The following HSF5 variants were observed in gnomAD, a reference collection of about 807,000 sequenced individuals.
HSF5 encodes heat shock transcription factor 5, also known as heat shock factor protein 5.
HSF5 carries 5 observed loss-of-function variants against 50.8 expected under a neutral mutation model. That is an observed-to-expected ratio of 0.10 (90% CI 0.05 to 0.21). The LOEUF is 0.21. Ranked by LOEUF, HSF5 falls within the 10% of genes least tolerant of loss-of-function variation. The pLI is 1.00. For synonymous variants in HSF5, 307 were observed against 307.4 expected, an observed-to-expected ratio of 1.00 and a Z score of 0.02; for missense variants, 564 against 762.6, an observed-to-expected ratio of 0.74 and a Z score of 3.07.
chr17:58,421,518 T>C lies in HSF5; in HGVS notation c.*842A>G, dbSNP rs1974229351. 1 of 152,244 alleles carries C rather than the reference T, an allele frequency of 6.6e-6. No homozygotes were observed. The highest frequency in any genetic ancestry group is 2.1e-4 in the South Asian group (1 of 4,830). 9.4% of individuals were successfully genotyped at this position (152,244 alleles called of 1,614,324 possible). A position where few individuals can be genotyped will look rare whatever the true frequency, so the allele number is the denominator to read the frequency against. ...TACACATGCATCCTTTATCCTTCTA[T>C]CCTGCAATAATAAAAATATAAAACT... On this transcript the variant is annotated 3_prime_UTR_variant, in exon 6 of 6. Transcript: ENST00000323777.
chr17:58,434,071 G>A (rs892820250), intron 5 of HSF5, among the ~76,000 whole-genome samples: 4 of 151,744 alleles, frequency 2.6e-5, no homozygotes, highest in Admixed American at 1.3e-4. Context: ...ATGCCACCCC[G>A]CCTGGTTAAT....
chr17:58,460,939 C>A (rs1268490182), intron 4 of HSF5, among the ~76,000 whole-genome samples: 2 of 151,532 alleles, frequency 1.3e-5, no homozygotes, highest in African/African-American at 4.9e-5. Context: ...CATAATGGGG[C>A]CAGGTGCAGT....
At chr17:58,453,576 CAG>C (rs1288238043) in intron 5 of HSF5, among the ~76,000 whole-genome samples, 1 of 151,486 alleles carries the variant, frequency 6.6e-6, no homozygotes, top group Non-Finnish European at 1.5e-5. Context: ...GCCTGGGCGA[CAG>C]AGTGAGCAAA....
At chr17:58,444,643 G>C (rs532520561) in intron 5 of HSF5, among the ~76,000 whole-genome samples, 203 of 152,260 alleles carry the variant, frequency 1.3e-3, no homozygotes, top group Non-Finnish European at 2.6e-3. Context: ...AGAAAACAGA[G>C]AGAGATAACT....
intron 2 of HSF5, among the ~76,000 whole-genome samples, chr17:58,479,005 C>T (rs1158920201): frequency 6.6e-6 from 1 of 151,810 alleles, no homozygotes; most frequent in Non-Finnish European, 1.5e-5. Context: ...TCTCAATGCC[C>T]TTGCTTGAGT....
intron 2 of HSF5, among the ~76,000 whole-genome samples, chr17:58,475,381 A>G (rs550316778): frequency 4.3e-4 from 66 of 152,228 alleles, no homozygotes; most frequent in Non-Finnish European, 8.2e-4. Context: ...TTCCAGTGAA[A>G]CAAAAAGAAA....
intron 5 of HSF5, among the ~76,000 whole-genome samples, chr17:58,440,184 G>C (rs1974481334): frequency 6.6e-6 from 1 of 152,192 alleles, no homozygotes; most frequent in African/African-American, 2.4e-5. Flanking sequence ...CCTTGTATTT[G>C]AGGCTACTTT....
intron 4 of HSF5, among the ~76,000 whole-genome samples, chr17:58,462,158 C>T (rs546126973): frequency 6.6e-6 from 1 of 152,222 alleles, no homozygotes; most frequent in East Asian, 1.9e-4. Flanking sequence ...TGTGGATGTA[C>T]TTTTGATGAA....
At chr17:58,425,575 C>CAAAAAAAAAAAAA (rs66502039) in intron 5 of HSF5, among the ~76,000 whole-genome samples, 6 of 32,986 alleles carry the variant, frequency 1.8e-4, no homozygotes, top group African/African-American at 5.9e-4. Flanking sequence ...ACCTCTATCT[C>CAAAAAAAAAAAAA]AAAAAAAAAA....
chr17:58,445,616 T>C (rs1451969049), intron 5 of HSF5, among the ~76,000 whole-genome samples: 2 of 152,174 alleles, frequency 1.3e-5, no homozygotes, highest in Non-Finnish European at 2.9e-5. Flanking sequence ...GAGAACATAA[T>C]ATAGTCACAA....
intron 1 of HSF5, among the ~76,000 whole-genome samples, chr17:58,487,262 G>C (rs1975197975): frequency 6.6e-6 from 1 of 152,120 alleles, no homozygotes; most frequent in Admixed American, 6.5e-5. Context: ...TAACCCGTAG[G>C]GTGACTCCAC....
Position 58,471,448 on chromosome 17 carries a change from G to A in HSF5, c.926-4469C>T, listed in dbSNP as rs141233111. ...TATGTACATTGATGTAGGATTAGAA[G>A]CATAAAGATCACACCTATAGAATTT... On this transcript the variant is annotated intron_variant, in intron 2 of 5. Transcript: ENST00000323777. Among the ~76,000 whole-genome samples, 3 of 152,176 alleles carry A rather than the reference G, an allele frequency of 2.0e-5. No homozygotes were observed. In the East Asian group the frequency reaches 5.8e-4, roughly 29 times the overall value.
At position 58,422,377 on chromosome 17, in the gene HSF5, C is replaced by T. The variant is rs1567903436; in HGVS notation, c.1774G>A (p.Glu592Lys). 8.1e-6 allele frequency: 13 copies of T among 1,613,812 alleles called. No homozygotes were observed. Among genetic ancestry groups the T allele is most frequent in the Non-Finnish European group, 1.0e-5 (12 of 1,179,724 alleles). Residue 592 changes from glutamate (E) to lysine (K), a missense_variant, in exon 6 of 6, where the codon GAA (glutamate) becomes AAA (lysine). By Grantham distance (56) the Glu-to-Lys change is moderately conservative. Coordinates refer to ENST00000323777, the MANE Select transcript of HSF5 (RefSeq NM_001080439.3). ...ACKQERFPKE[E>K]ELKE ...TCCATTCCTCACTCTTTTAATTCTTCCTCCTTTGGAAAGCGCTCCTGCTTG... is the reference window on the plus strand; with the variant it reads ...TCCATTCCTCACTCTTTTAATTCTTTCTCCTTTGGAAAGCGCTCCTGCTTG...
chr17:58,473,932 A>C (rs140222812), intron 2 of HSF5, among the ~76,000 whole-genome samples: 1 of 151,974 alleles, frequency 6.6e-6, no homozygotes, highest in Non-Finnish European at 1.5e-5. Context: ...TGCAGCCTCA[A>C]CCTCCTGAGC....
intron 5 of HSF5, among the ~76,000 whole-genome samples, chr17:58,445,022 A>G (rs555734479): frequency 6.6e-6 from 1 of 152,330 alleles, no homozygotes; most frequent in East Asian, 1.9e-4. Flanking sequence ...GTAAAAAAAA[A>G]TCAAACCTAT....
At chr17:58,434,790 T>G (rs572224468) in intron 5 of HSF5, among the ~76,000 whole-genome samples, 1 of 152,210 alleles carries the variant, frequency 6.6e-6, no homozygotes, top group South Asian at 2.1e-4. Flanking sequence ...GAAGTCGAGG[T>G]TGCAGTGAGC....
intron 5 of HSF5, among the ~76,000 whole-genome samples, chr17:58,441,093 A>G (rs1223906383): frequency 6.6e-6 from 1 of 152,244 alleles, no homozygotes; most frequent in African/African-American, 2.4e-5. Flanking sequence ...AAGATAGACC[A>G]TACACTGGGC....
intron 2 of HSF5, among the ~76,000 whole-genome samples, chr17:58,468,966 A>G (rs1245836667): frequency 1.3e-5 from 2 of 152,188 alleles, no homozygotes; most frequent in Non-Finnish European, 2.9e-5. Context: ...ATTCAAATAT[A>G]TATTTTAAAT....
intron 4 of HSF5, among the ~76,000 whole-genome samples, chr17:58,462,152 G>C (rs933240851): frequency 1.3e-5 from 2 of 152,096 alleles, no homozygotes; most frequent in African/African-American, 4.8e-5. Flanking sequence ...TGTTTCTGTG[G>C]ATGTACTTTT....
Sources: allele counts gnomAD v4.1 joint callset (sites outside exome capture counted in the v4.1 genomes callset), GRCh38; gene constraint gnomAD v4.1.1; transcripts MANE v1.5; gene names NCBI Gene and HGNC (gene_info 2026-07-23, HGNC 2026-07-21).